Variants in ZNF385D observed in about 807,000 individuals in gnomAD.
The protein encoded by ZNF385D is zinc finger protein 659.
In ZNF385D, 15 loss-of-function variants were observed where a neutral mutation model predicts 35.8. The observed-to-expected ratio is 0.42, with a 90% CI of 0.28 to 0.64. The LOEUF is 0.64. ZNF385D is among the 30% of genes least tolerant of loss of function. ZNF385D has a pLI of 0.23. For missense variants in ZNF385D, 474 were observed against 494.6 expected (o/e 0.96, Z 0.39); for synonymous variants, 212 against 186.8 (o/e 1.13, Z -1.10).
chr3:22,162,351 A>C (rs1351566618), intron 3 of ZNF385D, among the ~76,000 whole-genome samples: 5 of 152,172 alleles, frequency 3.3e-5, no homozygotes, highest in African/African-American at 1.2e-4. Flanking sequence ...TCTGTATAGA[A>C]AATCTACATT....
In ZNF385D at chr3:22,061,705, A is replaced by T. The variant is rs1337656443; in HGVS notation, c.325+107112T>A. ...TATCTTGTCAAAGAGGCCTTCTATG[A>T]CCATCACATCAAAAATATGTCTTTC... On this transcript the variant is annotated intron_variant, in intron 3 of 5. Transcript: ENST00000494108. Among the ~76,000 whole-genome samples the T allele has an allele frequency of 4.6e-5, 7 of 152,148 alleles. No homozygotes were observed. In the East Asian group the frequency reaches 5.8e-4, roughly 13 times the overall value.
chr3:21,535,224 G>C (rs2062009362), intron 3 of ZNF385D, among the ~76,000 whole-genome samples: 1 of 152,104 alleles, frequency 6.6e-6, no homozygotes, highest in Non-Finnish European at 1.5e-5. Context: ...AGGTATGAAT[G>C]ATCAATTAAA....
At chr3:22,209,407 A>G (rs1032598945) in intron 2 of ZNF385D, among the ~76,000 whole-genome samples, 53 of 151,920 alleles carry the variant, frequency 3.5e-4, no homozygotes, top group Admixed American at 5.9e-4. Flanking sequence ...CTTTGAAGGC[A>G]TTCACATTTA....
intron 3 of ZNF385D, among the ~76,000 whole-genome samples, chr3:22,001,610 A>G (rs1201611721): frequency 6.6e-6 from 1 of 152,148 alleles, no homozygotes; most frequent in African/African-American, 2.4e-5. Flanking sequence ...TAAACTGCAC[A>G]TTACACCAAA....
chr3:22,204,896 A>C (rs1697043402), intron 2 of ZNF385D, among the ~76,000 whole-genome samples: 2 of 151,178 alleles, frequency 1.3e-5, no homozygotes, highest in Non-Finnish European at 1.5e-5. Context: ...TCTAAGAGAC[A>C]CTGGCCATAA....
rs139609738 is a variant in ZNF385D, at chr3:21,864,792, G to A, written c.326-199764C>T. Among the ~76,000 whole-genome samples the A allele has an allele frequency of 1.8e-3, 274 of 151,950 alleles. 5 individuals are homozygous for A. The highest frequency in any genetic ancestry group is 6.4e-3 in the African/African-American group (265 of 41,486). ...ATTCATTGTCTCTTCTTACTAAGAG[G>A]TTTACTATTCAAGCCTAAAAATGTC... On this transcript the variant is annotated intron_variant, in intron 3 of 5. Transcript: ENST00000494108.
At chr3:21,490,274 T>A (rs572168823) in intron 4 of ZNF385D, among the ~76,000 whole-genome samples, 1 of 152,176 alleles carries the variant, frequency 6.6e-6, no homozygotes, top group East Asian at 1.9e-4. Flanking sequence ...CAAGAAATCC[T>A]CCTACCTCAG....
At position 21,730,576 on chromosome 3, in the gene ZNF385D, G is replaced by C. The variant is rs76675505; in HGVS notation, c.22+20319C>G. Among the ~76,000 whole-genome samples, 768 of 152,316 alleles carry C rather than the reference G, an allele frequency of 5.0e-3. 22 individuals carry two copies. The East Asian group carries it at 0.073, about 15-fold the overall frequency. On this transcript the variant is annotated intron_variant, in intron 1 of 7. Transcript: ENST00000281523. Reference sequence around the variant, plus strand: ...CAGGCACTGTCTAATGCTAACGATAGAGCAGTGAACAAAGGAGATCTAAAC... The same window carrying C: ...CAGGCACTGTCTAATGCTAACGATACAGCAGTGAACAAAGGAGATCTAAAC...
chr3:21,894,305 T>A (rs1699024439), intron 3 of ZNF385D, among the ~76,000 whole-genome samples: 1 of 152,156 alleles, frequency 6.6e-6, no homozygotes, highest in African/African-American at 2.4e-5. Flanking sequence ...TTATACTTAG[T>A]CAATTCATGT....
At chr3:21,537,469 G>A (rs1169447147) in intron 3 of ZNF385D, among the ~76,000 whole-genome samples, 3 of 151,920 alleles carry the variant, frequency 2.0e-5, no homozygotes, top group African/African-American at 7.2e-5. Flanking sequence ...AAGACACGAT[G>A]TGACCCTGTG....
At chr3:22,363,551 T>A (rs770582394) in intron 2 of ZNF385D, among the ~76,000 whole-genome samples, 1 of 152,186 alleles carries the variant, frequency 6.6e-6, no homozygotes. Context: ...TCCTTCTTTA[T>A]GAAGACTCAT....
At chr3:21,945,253 C>G (rs775868535) in intron 3 of ZNF385D, among the ~76,000 whole-genome samples, 1 of 151,926 alleles carries the variant, frequency 6.6e-6, no homozygotes, top group East Asian at 1.9e-4. Context: ...AGAAATTTTT[C>G]TATGCCACAC....
chr3:21,521,492 C>T (rs1257343646), intron 3 of ZNF385D, among the ~76,000 whole-genome samples: 1 of 152,172 alleles, frequency 6.6e-6, no homozygotes, highest in African/African-American at 2.4e-5. Context: ...GTGGCTTACA[C>T]TTGTAATCCC....
At chr3:21,786,147 C>T (rs534879570) in intron 3 of ZNF385D, among the ~76,000 whole-genome samples, 2 of 152,084 alleles carry the variant, frequency 1.3e-5, no homozygotes, top group African/African-American at 4.8e-5. Context: ...CAAACGTAAA[C>T]AGAACTGGGA....
rs150974034 is a variant in ZNF385D, at chr3:21,946,660, C to T, written c.325+222157G>A. Among the ~76,000 whole-genome samples, 1,382 of 152,018 alleles carry T rather than the reference C, an allele frequency of 9.1e-3. 24 individuals are homozygous for T. The highest frequency in any genetic ancestry group is 0.032 in the African/African-American group (1,316 of 41,478). On this transcript the variant is annotated intron_variant, in intron 3 of 5. Transcript: ENST00000494108. ...CAGCCTGGCTAACAAGGTGAAACTCCGTCTCTATTAAAACTACAAATATTA... is the reference window on the plus strand; with the variant it reads ...CAGCCTGGCTAACAAGGTGAAACTCTGTCTCTATTAAAACTACAAATATTA...
In ZNF385D at chr3:21,934,326, T is replaced by C. The variant is rs566174358; in HGVS notation, c.325+234491A>G. Reference sequence around the variant, plus strand: ...TACCAAAAGCTGCATTTGGGTGAAATAATGCTCTATGCTTTTATGTAAACA... The same window carrying C: ...TACCAAAAGCTGCATTTGGGTGAAACAATGCTCTATGCTTTTATGTAAACA... On this transcript the variant is annotated intron_variant, in intron 3 of 5. Coordinates refer to the ZNF385D transcript ENST00000494108. Among the ~76,000 whole-genome samples, 7 of 152,260 alleles carry C rather than the reference T, an allele frequency of 4.6e-5. No homozygotes were observed. In the East Asian group the frequency reaches 1.4e-3, roughly 29 times the overall value.
chr3:22,151,442 G>C (rs1247542470), intron 3 of ZNF385D, among the ~76,000 whole-genome samples: 1 of 152,110 alleles, frequency 6.6e-6, no homozygotes, highest in Non-Finnish European at 1.5e-5. Context: ...AGTTTGAATA[G>C]AGATTGCAAT....
At chr3:21,520,832 GAA>G (rs1304320620) in intron 3 of ZNF385D, among the ~76,000 whole-genome samples, 1 of 152,118 alleles carries the variant, frequency 6.6e-6, no homozygotes, top group Admixed American at 6.5e-5. Context: ...CAGTACTCGG[GAA>G]ATGCTAGTCC....
chr3:22,115,117 G>A (rs1017414310), intron 3 of ZNF385D, among the ~76,000 whole-genome samples: 6 of 152,068 alleles, frequency 3.9e-5, no homozygotes. Context: ...CTTGCCCACT[G>A]TGTATTCTCC....
Sources: gnomAD v4.1 joint callset for allele counts (sites outside exome capture counted in the v4.1 genomes callset) on GRCh38, gnomAD v4.1.1 for gene constraint, MANE v1.5 for transcripts, NCBI Gene and HGNC (gene_info 2026-07-23, HGNC 2026-07-21) for gene names.